NRXN1: variants seen among roughly 807,000 people sequenced by gnomAD.
NRXN1 encodes the protein neurexin 1, also known as neurexin-1.
NRXN1 carries 39 observed loss-of-function variants against 150.9 expected under a neutral mutation model. That is an observed-to-expected ratio of 0.26 (90% CI 0.20 to 0.34). The LOEUF (loss-of-function observed/expected upper bound fraction) is 0.34, where lower values mean the gene tolerates loss of function less well. NRXN1 is among the 10% of genes least tolerant of loss of function. The pLI, the probability that NRXN1 is intolerant of heterozygous loss-of-function variation, is 1.00. For missense variants in NRXN1, 1,815 were observed against 1,949.9 expected, an observed-to-expected ratio of 0.93 and a Z score of 1.30; for synonymous variants, 924 against 757.0, an observed-to-expected ratio of 1.22 and a Z score of -3.62.
chr2:50,109,286 T>G (rs1270194114), intron 18 of NRXN1, among the ~76,000 whole-genome samples: 1 of 152,190 alleles, frequency 6.6e-6, no homozygotes, highest in African/African-American at 2.4e-5. Flanking sequence ...TTGCTTTACT[T>G]TCCTCATTTA....
At chr2:50,309,107 T>C (rs993569542) in intron 17 of NRXN1, among the ~76,000 whole-genome samples, 7 of 152,204 alleles carry the variant, frequency 4.6e-5, no homozygotes, top group African/African-American at 1.7e-4. Flanking sequence ...GCTGAGTATT[T>C]GATCCAAGGT....
At chr2:49,927,702 A>T (rs2104110804) in intron 22 of NRXN1, among the ~76,000 whole-genome samples, 1 of 152,236 alleles carries the variant, frequency 6.6e-6, no homozygotes, top group South Asian at 2.1e-4. Context: ...TAAAATCCTA[A>T]TTCCTGATAT....
intron 21 of NRXN1, among the ~76,000 whole-genome samples, chr2:50,033,362 A>C (rs1209215078): frequency 6.6e-6 from 1 of 152,118 alleles, no homozygotes; most frequent in Non-Finnish European, 1.5e-5. Flanking sequence ...AGCTAACAAA[A>C]ATAAGCAAAG....
At chr2:50,537,001 A>T (rs1048134979) in intron 10 of NRXN1, among the ~76,000 whole-genome samples, 5 of 152,284 alleles carry the variant, frequency 3.3e-5, no homozygotes, top group East Asian at 1.9e-4. Context: ...AGCATATGGT[A>T]AGTGGTTTAA....
At chr2:50,878,997 T>C (rs1359041294) in intron 5 of NRXN1, among the ~76,000 whole-genome samples, 7 of 151,980 alleles carry the variant, frequency 4.6e-5, no homozygotes, top group Admixed American at 1.3e-4. Flanking sequence ...AACTTGGCTA[T>C]GATGACCAGT....
Position 50,488,986 on chromosome 2 carries a change from C to G in NRXN1, c.3070+6919G>C, listed in dbSNP as rs116587707. ...CCTTTGAGAACTCAGCTCTGAGCAC[C>G]TGCAGGTACTTGCTGCTCCAAGGCA... is the stretch of plus-strand genomic sequence containing the variant. On this transcript the variant is annotated intron_variant, in intron 15 of 22. Coordinates refer to ENST00000401669, the MANE Select transcript of NRXN1 (RefSeq NM_001330078.2). 3.3e-3 allele frequency among the ~76,000 whole-genome samples: 510 copies of G among 152,268 alleles called. 2 individuals are homozygous for G. Among genetic ancestry groups the G allele is most frequent in the Non-Finnish European group, 6.2e-3 (423 of 68,026 alleles).
intron 18 of NRXN1, among the ~76,000 whole-genome samples, chr2:50,125,318 C>T (rs1704413810): frequency 6.6e-6 from 1 of 151,940 alleles, no homozygotes; most frequent in African/African-American, 2.4e-5. Context: ...TCTATATAAT[C>T]TTTGTCGTTG....
intron 17 of NRXN1, among the ~76,000 whole-genome samples, chr2:50,293,797 A>G (rs2073240798): frequency 6.6e-6 from 1 of 152,184 alleles, no homozygotes; most frequent in Admixed American, 6.6e-5. Context: ...TGCGAGTTCA[A>G]TGAATTTGCT....
At chr2:50,442,292 T>C (rs1272019328) in intron 17 of NRXN1, among the ~76,000 whole-genome samples, 1 of 152,178 alleles carries the variant, frequency 6.6e-6, no homozygotes, top group African/African-American at 2.4e-5. Context: ...ATCATTATTA[T>C]TTCTAAGGTC....
At chr2:50,467,989 T>C (rs2089082846) in intron 16 of NRXN1, among the ~76,000 whole-genome samples, 2 of 151,552 alleles carry the variant, frequency 1.3e-5, no homozygotes, top group African/African-American at 4.8e-5. Flanking sequence ...CAAAAATAAT[T>C]AGCATATTTT....
chr2:50,757,610 C>T (rs9677572), intron 5 of NRXN1, among the ~76,000 whole-genome samples: 60 of 151,736 alleles, frequency 4.0e-4, no homozygotes, highest in Middle Eastern at 3.4e-3. Context: ...TTAAAAAGTT[C>T]TCAATAAAAT....
Position 50,000,815 on chromosome 2 carries a change from A to T in NRXN1, c.4128+52456T>A, listed in dbSNP as rs113201780. ...ATCAGCTGAGAAATCTGAGCATAAA[A>T]CTGGTGAGCAAGGCAGGCTGGAGGT... On this transcript the variant is annotated intron_variant, in intron 21 of 22. Transcript: ENST00000401669. 5.9e-4 allele frequency among the ~76,000 whole-genome samples: 90 copies of T among 152,210 alleles called. 2 individuals are homozygous for T. Among genetic ancestry groups the T allele is most frequent in the African/African-American group, 2.1e-3 (86 of 41,528 alleles).
At chr2:50,856,414 A>C (rs1473569115) in intron 5 of NRXN1, among the ~76,000 whole-genome samples, 8 of 152,060 alleles carry the variant, frequency 5.3e-5, no homozygotes, top group Non-Finnish European at 8.8e-5. Context: ...GGCACTTTCA[A>C]AACAACTTCA....
chr2:50,977,494 A>G (rs1433539376), intron 2 of NRXN1, among the ~76,000 whole-genome samples: 1 of 151,966 alleles, frequency 6.6e-6, no homozygotes, highest in Non-Finnish European at 1.5e-5. Flanking sequence ...CCTCAGTAAG[A>G]AGAAGTATGA....
At chr2:49,950,001 T>A (rs576677615) in intron 21 of NRXN1, among the ~76,000 whole-genome samples, 23 of 149,996 alleles carry the variant, frequency 1.5e-4, no homozygotes, top group African/African-American at 4.0e-4. Context: ...AAAAAAAAAA[T>A]TTTAACAGGA....
chr2:50,442,759 T>C (rs1326678395), intron 17 of NRXN1, among the ~76,000 whole-genome samples: 2 of 152,136 alleles, frequency 1.3e-5, no homozygotes, highest in East Asian at 3.9e-4. Flanking sequence ...TGGAATCATG[T>C]CCTGTGAAAC....
intron 2 of NRXN1, among the ~76,000 whole-genome samples, chr2:50,937,675 T>C (rs1206063957): frequency 6.6e-6 from 1 of 152,172 alleles, no homozygotes; most frequent in African/African-American, 2.4e-5. Flanking sequence ...ATGACAATGA[T>C]GATGATGCAG....
At chr2:50,783,711 C>T (rs1228311111) in intron 5 of NRXN1, among the ~76,000 whole-genome samples, 1 of 152,142 alleles carries the variant, frequency 6.6e-6, no homozygotes, top group Non-Finnish European at 1.5e-5. Flanking sequence ...AATATACATA[C>T]TAGTTTATTG....
intron 17 of NRXN1, among the ~76,000 whole-genome samples, chr2:50,377,296 G>A (rs147274135): frequency 0.013 from 1,948 of 152,066 alleles, 37 homozygotes; most frequent in African/African-American, 0.044. Flanking sequence ...TCCTCCCTGT[G>A]GCCATGTGTT....
Sources: allele counts gnomAD v4.1 joint callset (sites outside exome capture counted in the v4.1 genomes callset), GRCh38; gene constraint gnomAD v4.1.1; transcripts MANE v1.5; gene names NCBI Gene and HGNC (gene_info 2026-07-23, HGNC 2026-07-21).